Variants in PRKCQ observed in about 807,000 individuals in gnomAD.
PRKCQ encodes protein kinase C theta type.
PRKCQ carries 41 observed loss-of-function variants against 91.2 expected under a neutral mutation model. That is an observed-to-expected ratio of 0.45 (90% CI 0.35 to 0.58). PRKCQ has a LOEUF of 0.58. Among genes scored for constraint, PRKCQ ranks in the 20% least tolerant of loss-of-function variants. The pLI is 0.00. For missense variants in PRKCQ, 673 were observed against 896.5 expected, an observed-to-expected ratio of 0.75 and a Z score of 3.18; for synonymous variants, 307 against 316.9, an observed-to-expected ratio of 0.97 and a Z score of 0.33.
intron 1 of PRKCQ, among the ~76,000 whole-genome samples, chr10:6,530,597 G>A (rs977970237): frequency 6.6e-6 from 1 of 152,160 alleles, no homozygotes; most frequent in African/African-American, 2.4e-5. Flanking sequence ...GAAGGGCACC[G>A]GGGGAAGAGA....
the PRKCQ span, among the ~76,000 whole-genome samples, chr10:6,418,362 G>A: frequency 1.3e-5 from 2 of 152,178 alleles, no homozygotes; most frequent in Admixed American, 1.3e-4. Flanking sequence ...GGAAGAATCC[G>A]TGCTCCTTCA....
intron 15 of PRKCQ, among the ~76,000 whole-genome samples, chr10:6,447,339 G>A (rs566516984): frequency 5.3e-5 from 8 of 151,350 alleles, no homozygotes; most frequent in African/African-American, 1.7e-4. Context: ...CCTGGGAGGC[G>A]GAGGTTGCAG....
At chr10:6,466,085 T>A (rs1213897981) in intron 12 of PRKCQ, among the ~76,000 whole-genome samples, 1 of 152,262 alleles carries the variant, frequency 6.6e-6, no homozygotes, top group Non-Finnish European at 1.5e-5. Flanking sequence ...GGTGGAATCT[T>A]CTTTTAAGTA....
intron 7 of PRKCQ, among the ~76,000 whole-genome samples, chr10:6,493,561 A>G (rs1204416910): frequency 2.0e-5 from 3 of 152,228 alleles, no homozygotes; most frequent in African/African-American, 7.2e-5. Flanking sequence ...ATAATATCAC[A>G]GACATTTATT....
chr10:6,408,046 G>GTTTTT, the PRKCQ span, among the ~76,000 whole-genome samples: 1 of 84,224 alleles, frequency 1.2e-5, no homozygotes, highest in African/African-American at 5.6e-5. Context: ...TCTTGTGTCA[G>GTTTTT]TTTTTTTTTT....
chr10:6,420,396 C>T, the PRKCQ span, among the ~76,000 whole-genome samples: 1 of 152,160 alleles, frequency 6.6e-6, no homozygotes, highest in Admixed American at 6.5e-5. Flanking sequence ...CGGCTGCTGG[C>T]GTTAACTTCT....
chr10:6,456,624 A>C, intron 15 of PRKCQ, 50 bp downstream of exon 15: 1 of 1,594,670 alleles, frequency 6.3e-7, no homozygotes, highest in South Asian at 1.1e-5. Context: ...AAGCAATGGC[A>C]TGTGGCCAGG....
intron 15 of PRKCQ, among the ~76,000 whole-genome samples, chr10:6,455,612 AG>A (rs1834961918): frequency 6.6e-6 from 1 of 152,244 alleles, no homozygotes; most frequent in African/African-American, 2.4e-5. Context: ...CTCTTCTAGA[AG>A]GTATCTATTA....
chr10:6,485,701 T>C (rs1035400198), intron 9 of PRKCQ, among the ~76,000 whole-genome samples: 3 of 152,196 alleles, frequency 2.0e-5, no homozygotes, highest in African/African-American at 7.2e-5. Context: ...TGCTAGCACA[T>C]AAGTGTTTTC....
intron 1 of PRKCQ, among the ~76,000 whole-genome samples, chr10:6,554,257 GT>G (rs1216315208): frequency 2.0e-5 from 3 of 152,172 alleles, no homozygotes; most frequent in Non-Finnish European, 4.4e-5. Context: ...TCCATGCAAC[GT>G]TGCAGAAGGA....
intron 12 of PRKCQ, among the ~76,000 whole-genome samples, chr10:6,475,014 C>T (rs1328551540): frequency 5.9e-5 from 9 of 152,068 alleles, no homozygotes; most frequent in African/African-American, 1.4e-4. Context: ...AAGAGCTAGC[C>T]CTTCTTTCCT....
rs189513058 is a variant in PRKCQ, at chr10:6,531,201, G to A, written c.-9-16057C>T. Among the ~76,000 whole-genome samples the A allele has an allele frequency of 8.3e-4, 126 of 151,916 alleles. No individual in the cohort carries two copies. In the Middle Eastern group the frequency reaches 0.014, roughly 16 times the overall value. ...AGCTTTAGCAAGGCCGCCAGGGAACGGATGCATATTGAAGTTCGCAAAGCT... is the reference window on the plus strand; with the variant it reads ...AGCTTTAGCAAGGCCGCCAGGGAACAGATGCATATTGAAGTTCGCAAAGCT... On this transcript the variant is annotated intron_variant, in intron 1 of 17. Transcript: ENST00000263125.
intron 1 of PRKCQ, among the ~76,000 whole-genome samples, chr10:6,533,260 T>C (rs11259415): frequency 0.16 from 23,991 of 152,146 alleles, 2,509 homozygotes; most frequent in African/African-American, 0.3. Context: ...TGCAGTGGCA[T>C]GATCTCGGCT....
Position 6,576,607 on chromosome 10 carries a change from A to G in PRKCQ, c.-10+3604T>C, listed in dbSNP as rs529150393. 1.3e-5 allele frequency among the ~76,000 whole-genome samples: 2 copies of G among 152,350 alleles called. No homozygotes were observed. The highest frequency in any genetic ancestry group is 2.4e-5 in the African/African-American group (1 of 41,582). Reference sequence around the variant, plus strand: ...GTTTCAGTTTTAGGAGATGAGAAGAATCCTGTGGATGGATGATGGCAATGG... The same window carrying G: ...GTTTCAGTTTTAGGAGATGAGAAGAGTCCTGTGGATGGATGATGGCAATGG... On this transcript the variant is annotated intron_variant, in intron 1 of 17. Coordinates refer to ENST00000263125, the MANE Select transcript of PRKCQ (RefSeq NM_006257.5). The surrounding 1 kb of genome is among the most constrained non-coding windows in gnomAD (Gnocchi z 4.2).
intron 4 of PRKCQ, among the ~76,000 whole-genome samples, chr10:6,500,753 A>C (rs1318499110): frequency 1.3e-5 from 2 of 152,056 alleles, no homozygotes; most frequent in Non-Finnish European, 2.9e-5. Flanking sequence ...ATGTGGTCTA[A>C]CCTATCACTT....
rs1216299815 is a variant in PRKCQ, at chr10:6,491,810, G to T, written c.663C>A (p.Phe221Leu). The T allele has an allele frequency of 6.2e-7, 1 of 1,614,148 alleles. No individual in the cohort carries two copies. Among genetic ancestry groups the T allele is most frequent in the South Asian group, 1.1e-5 (1 of 91,078 alleles). Residue 221 changes from phenylalanine (F) to leucine (L), a missense_variant and splice_region_variant, in exon 8 of 18, where the codon TTC (phenylalanine) becomes TTA (leucine). Phe to Leu is a conservative substitution (Grantham distance 22). Coordinates refer to ENST00000263125, the MANE Select transcript of PRKCQ (RefSeq NM_006257.5). ...GSAINSRETMFHKERFKIDMP... is the reference protein window; with the variant it reads ...GSAINSRETMLHKERFKIDMP... ...TGTCAATTTTGAATCTCTCCTTGTG[G>T]AACTGAAAGAAAGGCAGAAGGTGAA...
At chr10:6,398,984 C>T in the PRKCQ span, among the ~76,000 whole-genome samples, 4 of 152,278 alleles carry the variant, frequency 2.6e-5, no homozygotes, top group South Asian at 8.3e-4. Context: ...TGGTCTCGAA[C>T]TTCTGAACTC....
intron 15 of PRKCQ, among the ~76,000 whole-genome samples, chr10:6,452,208 G>C (rs1469363370): frequency 6.6e-6 from 1 of 152,162 alleles, no homozygotes; most frequent in Non-Finnish European, 1.5e-5. Context: ...TCCTTAAGCT[G>C]ATAAGCAACT....
chr10:6,483,730 G>A (rs1836744565), intron 10 of PRKCQ, 130 bp from the exon 11 acceptor site: 12 of 1,083,160 alleles, frequency 1.1e-5, no homozygotes, highest in Middle Eastern at 2.6e-4. Context: ...GTGTTTAGAG[G>A]GTTTCCTACA....
Sources: allele counts gnomAD v4.1 joint callset (sites outside exome capture counted in the v4.1 genomes callset), GRCh38; gene constraint gnomAD v4.1.1; non-coding constraint Gnocchi (gnomAD v3.1); transcripts MANE v1.5; gene names NCBI Gene and HGNC (gene_info 2026-07-23, HGNC 2026-07-21).